POU6F2: variants seen among roughly 807,000 people sequenced by gnomAD.
POU6F2 encodes POU domain, class 6, transcription factor 2.
In POU6F2, 31 loss-of-function variants were observed where a neutral mutation model predicts 71.3. The observed-to-expected ratio is 0.43, with a 90% CI of 0.33 to 0.59. POU6F2 has a LOEUF of 0.59. Among genes scored for constraint, POU6F2 ranks in the 20% least tolerant of loss-of-function variants. POU6F2 has a pLI of 0.04. For missense variants in POU6F2, 783 were observed against 856.8 expected, an observed-to-expected ratio of 0.91 and a Z score of 1.07; for synonymous variants, 347 against 355.7, an observed-to-expected ratio of 0.98 and a Z score of 0.27.
chr7:39,209,502 T>C (rs1347645681), intron 4 of POU6F2, among the ~76,000 whole-genome samples: 2 of 152,168 alleles, frequency 1.3e-5, no homozygotes, highest in Admixed American at 1.3e-4. Flanking sequence ...TTAGAATAAA[T>C]CACCTCCCAG....
chr7:39,261,572 C>T (rs1369542376), intron 4 of POU6F2, among the ~76,000 whole-genome samples: 1 of 152,188 alleles, frequency 6.6e-6, no homozygotes, highest in East Asian at 1.9e-4. Context: ...CCCTGTTTTA[C>T]AGATGAGAAA....
Position 39,035,742 on chromosome 7 carries a change from A to G in POU6F2, c.106-50118A>G, listed in dbSNP as rs538801699. Among the ~76,000 whole-genome samples the G allele has an allele frequency of 1.8e-4, 27 of 151,946 alleles. No individual in the cohort carries two copies. In the South Asian group the frequency reaches 5.6e-3, roughly 31 times the overall value. ...GGTGCTTTTTTTTTTTCTCCACTCTAAAAGATAACATTGCTCCCTAGCTTT... is the reference window on the plus strand; with the variant it reads ...GGTGCTTTTTTTTTTTCTCCACTCTGAAAGATAACATTGCTCCCTAGCTTT... On this transcript the variant is annotated intron_variant, in intron 1 of 9. Transcript: ENST00000518318.
At chr7:39,012,903 C>T (rs1789342416) in intron 1 of POU6F2, among the ~76,000 whole-genome samples, 1 of 152,186 alleles carries the variant, frequency 6.6e-6, no homozygotes, top group African/African-American at 2.4e-5. Flanking sequence ...CAGCTGCGTG[C>T]TGGGAGAACC....
intron 4 of POU6F2, among the ~76,000 whole-genome samples, chr7:39,338,174 CAGA>C: frequency 6.6e-6 from 1 of 152,274 alleles, no homozygotes; most frequent in East Asian, 1.9e-4. Context: ...GGAACTCCAC[CAGA>C]AGAAGAGATC....
chr7:39,453,849 G>A (rs772474447), intron 8 of POU6F2, among the ~76,000 whole-genome samples: 60 of 152,072 alleles, frequency 3.9e-4, no homozygotes, highest in Non-Finnish European at 5.7e-4. Context: ...AATTGAAGCC[G>A]GAAACTTCAA....
chr7:39,306,584 C>T (rs1239772097), intron 4 of POU6F2, among the ~76,000 whole-genome samples: 2 of 152,196 alleles, frequency 1.3e-5, no homozygotes, highest in Non-Finnish European at 2.9e-5. Flanking sequence ...AATGTATTAA[C>T]CACACTCTGT....
intron 4 of POU6F2, among the ~76,000 whole-genome samples, chr7:39,208,098 T>G (rs1455549562): frequency 6.6e-6 from 1 of 152,196 alleles, no homozygotes; most frequent in Admixed American, 6.5e-5. Context: ...ATGTTTTAGT[T>G]ATAGTTATTA....
chr7:39,410,523 G>A (rs892507654), intron 6 of POU6F2, among the ~76,000 whole-genome samples: 9 of 152,174 alleles, frequency 5.9e-5, no homozygotes, highest in East Asian at 5.8e-4. Flanking sequence ...AAGTGTGGCA[G>A]GTGGGCAATG....
At chr7:39,136,828 A>G (rs921445401) in intron 2 of POU6F2, among the ~76,000 whole-genome samples, 3 of 140,596 alleles carry the variant, frequency 2.1e-5, no homozygotes, top group African/African-American at 7.9e-5. Flanking sequence ...ATCCCATCTT[A>G]AAAAAAAAAA....
chr7:39,373,127 A>G (rs1205047225), intron 5 of POU6F2, among the ~76,000 whole-genome samples: 3 of 152,104 alleles, frequency 2.0e-5, no homozygotes, highest in Non-Finnish European at 2.9e-5. Context: ...AGCGTCATAG[A>G]TTTGCTATCA....
chr7:38,984,807 T>C (rs1018990622), intron 1 of POU6F2: 28 of 152,170 alleles, frequency 1.8e-4, no homozygotes, highest in Admixed American at 1.6e-3. Context: ...AAACTATTTT[T>C]AGAAGAAAAT....
At chr7:39,051,581 G>A (rs976786922) in intron 1 of POU6F2, among the ~76,000 whole-genome samples, 11 of 152,136 alleles carry the variant, frequency 7.2e-5, no homozygotes, top group African/African-American at 2.7e-4. Flanking sequence ...AGCTCTAGGT[G>A]TAGGAATTGA....
chr7:39,252,657 A>G (rs903908354), intron 4 of POU6F2, among the ~76,000 whole-genome samples: 9 of 152,150 alleles, frequency 5.9e-5, no homozygotes, highest in African/African-American at 2.2e-4. Flanking sequence ...GAAACCTAAC[A>G]GCCTCTGCTT....
intron 1 of POU6F2, among the ~76,000 whole-genome samples, chr7:39,076,273 A>G (rs1325685367): frequency 1.4e-5 from 2 of 142,282 alleles, no homozygotes; most frequent in South Asian, 2.2e-4. Context: ...CTTCCTTCCT[A>G]TCAATCAACC....
chr7:39,335,733 C>G (rs1272979062), intron 4 of POU6F2, among the ~76,000 whole-genome samples: 1 of 152,232 alleles, frequency 6.6e-6, no homozygotes, highest in African/African-American at 2.4e-5. Context: ...CTGTGAAGCA[C>G]TGTCTTACTT....
At chr7:39,059,266 G>A (rs1045787500) in intron 1 of POU6F2, among the ~76,000 whole-genome samples, 7 of 151,978 alleles carry the variant, frequency 4.6e-5, no homozygotes, top group African/African-American at 1.4e-4. Context: ...GGAAAGGAAA[G>A]TAATGTTGAG....
chr7:39,414,566 G>A (rs1787627819), intron 6 of POU6F2, among the ~76,000 whole-genome samples: 2 of 152,180 alleles, frequency 1.3e-5, no homozygotes, highest in South Asian at 4.1e-4. Flanking sequence ...CGCGGGCGGC[G>A]GACTTGACAG....
At chr7:39,303,211 C>T (rs976187343) in intron 4 of POU6F2, among the ~76,000 whole-genome samples, 4 of 152,098 alleles carry the variant, frequency 2.6e-5, no homozygotes, top group African/African-American at 9.7e-5. Flanking sequence ...GGCTGGAGTG[C>T]GGTAGCACTC....
chr7:39,022,596 T>G (rs756446421), intron 1 of POU6F2, among the ~76,000 whole-genome samples: 3 of 152,128 alleles, frequency 2.0e-5, no homozygotes, highest in Non-Finnish European at 4.4e-5. Context: ...CTAAAGCTTC[T>G]TGTAAGTGGA....
Sources: gnomAD v4.1 joint callset for allele counts (sites outside exome capture counted in the v4.1 genomes callset) on GRCh38, gnomAD v4.1.1 for gene constraint, MANE v1.5 for transcripts, NCBI Gene and HGNC (gene_info 2026-07-23, HGNC 2026-07-21) for gene names.